The following TMEM184B variants were observed in gnomAD, a reference collection of about 807,000 sequenced individuals.
TMEM184B encodes putative MAPK-activating protein FM08.
TMEM184B carries 17 observed loss-of-function variants against 41.8 expected under a neutral mutation model. The ratio of observed to expected loss-of-function variants is 0.41; its 90% CI spans 0.28 to 0.61. TMEM184B has a LOEUF of 0.61. Ranked by LOEUF, TMEM184B falls within the 20% of genes least tolerant of loss-of-function variation. The pLI is 0.34. For synonymous variants in TMEM184B, 240 were observed against 229.5 expected (o/e 1.05, Z -0.41); for missense variants, 393 against 557.8 (o/e 0.70, Z 2.98).
At chr22:38,232,322 C>CTT (rs1462356044) in intron 3 of TMEM184B, 1 of 152,210 alleles carries the variant, frequency 6.6e-6, no homozygotes, top group Non-Finnish European at 1.5e-5. Context: ...CACAGCAAGT[C>CTT]TGCTGTAAAT....
At position 38,242,890 on chromosome 22, in the gene TMEM184B, C is replaced by T. The variant is rs530886820; in HGVS notation, c.358+3045G>A. Among the ~76,000 whole-genome samples, 12 of 152,096 alleles carry T rather than the reference C, an allele frequency of 7.9e-5. No homozygotes were observed. The East Asian group carries it at 2.1e-3, about 27-fold the overall frequency. The stretch of plus-strand genomic sequence containing the variant: ...CATCCTGGCCAACATGGTGAAACCC[C>T]GTCTCTACTAAAAATACAAAAATTA... On this transcript the variant is annotated intron_variant, in intron 3 of 8. Transcript: ENST00000361906.
At chr22:38,217,573 C>T (rs1324988409), downstream of TMEM184B, among the ~76,000 whole-genome samples, 2 of 151,842 alleles carry the variant, frequency 1.3e-5, no homozygotes, top group Non-Finnish European at 2.9e-5. Flanking sequence ...AGCCGGGAGG[C>T]GGAGCTTGCA....
At chr22:38,261,169 G>A (rs1223744195) in intron 1 of TMEM184B, among the ~76,000 whole-genome samples, 1 of 152,094 alleles carries the variant, frequency 6.6e-6, no homozygotes. Flanking sequence ...TGAGCTTCTG[G>A]GCAGCTGCAT....
intron 8 of TMEM184B, 54 bp from the exon 9 acceptor site, chr22:38,221,764 A>C: frequency 1.9e-6 from 3 of 1,594,412 alleles, no homozygotes; most frequent in Non-Finnish European, 2.6e-6. Context: ...GGTGAGAGGG[A>C]GGTGGCTCAG....
At chr22:38,260,325 G>A (rs1196222531) in intron 1 of TMEM184B, among the ~76,000 whole-genome samples, 2 of 152,098 alleles carry the variant, frequency 1.3e-5, no homozygotes, top group African/African-American at 4.8e-5. Flanking sequence ...CAAAGTGCTG[G>A]GATTACAGAT....
Position 38,221,053 on chromosome 22 carries a change from TGCAC to T in TMEM184B, c.*412_*415del, listed in dbSNP as rs2091242794. 3.9e-6 allele frequency: 4 copies of T among 1,038,602 alleles called. No homozygotes were observed. In the South Asian group the frequency reaches 1.5e-4, roughly 39 times the overall value. The allele number at this position is 1,038,602 out of a possible 1,614,324, so 64.3% of individuals were successfully genotyped here. A position where few individuals can be genotyped will look rare whatever the true frequency, so the allele number is the denominator to read the frequency against. Reference sequence around the variant, plus strand: ...GAAGAGCCCAGGTCAGACAGGGTATTGCACGGTGTGTGGGGGAGCCACGGCTTGC... The same window carrying T: ...GAAGAGCCCAGGTCAGACAGGGTATTGGTGTGTGGGGGAGCCACGGCTTGC... On this transcript the variant is annotated 3_prime_UTR_variant, in exon 9 of 9. Coordinates refer to ENST00000361906, the MANE Select transcript of TMEM184B (RefSeq NM_012264.5).
rs757691550 is a variant in TMEM184B, at chr22:38,221,509, T to C, written c.1184A>G (p.Asn395Ser). 4 of 1,612,594 alleles carry C rather than the reference T, an allele frequency of 2.5e-6. No homozygotes were observed. The change falls in exon 9 of 9, where the codon AAC becomes AGC. Residue 395 changes from asparagine (N) to serine (S), a missense_variant. By Grantham distance (46) the Asn-to-Ser change is conservative (BLOSUM62 1). Coordinates refer to ENST00000361906, the MANE Select transcript of TMEM184B (RefSeq NM_012264.5). ...RSHSLSGARD[N>S]EKTLLLSSDD... ...AGAGCTGAGCAGGAGAGTCTTCTCG[T>C]TGTCGCGGGCGCCACTGAGGCTGTG...
intron 1 of TMEM184B, among the ~76,000 whole-genome samples, chr22:38,253,901 T>C (rs756337844): frequency 2.1e-4 from 32 of 152,152 alleles, no homozygotes; most frequent in Non-Finnish European, 4.7e-4. Context: ...GTATGAAGAA[T>C]GCTCAAAAAG....
intron 4 of TMEM184B, among the ~76,000 whole-genome samples, chr22:38,230,967 C>T (rs1204745796): frequency 6.6e-6 from 1 of 152,152 alleles, no homozygotes; most frequent in Non-Finnish European, 1.5e-5. Context: ...GGTGACAAAC[C>T]AACTTGGAGA....
chr22:38,226,300 T>C lies in TMEM184B; in HGVS notation c.617+479A>G, dbSNP rs563491818. 3.2e-5 allele frequency: 5 copies of C among 157,266 alleles called. No individual in the cohort carries two copies. The highest frequency in any genetic ancestry group is 5.6e-5 in the Non-Finnish European group (4 of 71,078). The allele number at this position is 157,266 out of a possible 1,614,324, so 9.7% of individuals were successfully genotyped here. ...TTCACCATGTTGGCCAGGCTGGTCT[T>C]GAACTCCTGACCTCAGGTGATCTAC... On this transcript the variant is annotated intron_variant, in intron 6 of 8. Transcript: ENST00000361906. The surrounding 1 kb of genome is among the most constrained non-coding windows in gnomAD (Gnocchi z 4.6).
At chr22:38,218,191 C>G (rs192878900), downstream of TMEM184B, among the ~76,000 whole-genome samples, 25 of 152,326 alleles carry the variant, frequency 1.6e-4, no homozygotes, top group African/African-American at 6.0e-4. Flanking sequence ...AGGCCTAAAC[C>G]ATAACCCTGT....
chr22:38,235,037 G>A (rs145342885), intron 3 of TMEM184B, among the ~76,000 whole-genome samples: 1 of 152,310 alleles, frequency 6.6e-6, no homozygotes, highest in African/African-American at 2.4e-5. Context: ...CTCCTTGCAG[G>A]TAGAATGCAG....
chr22:38,255,553 AC>A (rs1488482629), intron 1 of TMEM184B, among the ~76,000 whole-genome samples: 4 of 152,226 alleles, frequency 2.6e-5, no homozygotes, highest in Non-Finnish European at 5.9e-5. Flanking sequence ...AGGAATGAAA[AC>A]GTATATTCAC....
In TMEM184B at chr22:38,225,225, T is replaced by C. The variant is rs553703271; in HGVS notation, c.787+199A>G. 2.0e-5 allele frequency among the ~76,000 whole-genome samples: 3 copies of C among 152,210 alleles called. No homozygotes were observed. In the East Asian group the frequency reaches 5.8e-4, roughly 29 times the overall value. On this transcript the variant is annotated intron_variant, in intron 7 of 8. Transcript: ENST00000361906. This position sits in a 1 kb window ranked among gnomAD's most constrained non-coding sequence, Gnocchi z 4.4. ...GGTCTCCTGGGCCCTCTCATCCATG[T>C]AGCGGCCCCACCAAAGCTCTCCCTA...
intron 5 of TMEM184B, 138 bp from the exon 6 acceptor site, chr22:38,227,008 G>A (rs914275477): frequency 4.8e-6 from 4 of 830,540 alleles, no homozygotes; most frequent in Non-Finnish European, 7.6e-6. Flanking sequence ...AGGGATGGAG[G>A]GACGGAGGGG....
chr22:38,236,934 G>A (rs1008929560), intron 3 of TMEM184B, among the ~76,000 whole-genome samples: 1 of 152,186 alleles, frequency 6.6e-6, no homozygotes, highest in Non-Finnish European at 1.5e-5. Context: ...TCTCCCTCGT[G>A]ACTTTCCTGT....
chr22:38,221,700 G>T lies in TMEM184B; in HGVS notation c.993C>A (p.Ala331=). 1 of 1,613,806 alleles carries T rather than the reference G, an allele frequency of 6.2e-7. No homozygotes were observed. Among genetic ancestry groups the T allele is most frequent in the Non-Finnish European group, 8.5e-7 (1 of 1,179,920 alleles). The change falls in exon 9 of 9, where the codon GCC becomes GCA. Residue 331 remains alanine (A), a synonymous_variant. Coordinates refer to ENST00000361906, the MANE Select transcript of TMEM184B (RefSeq NM_012264.5). ...DKRLDAQGRC[A]PMKSISSSLK... is the part of the protein sequence containing the mutation. ...GGCTGCTGGAGATGCTCTTCATGGGGGCACAGCGGCCTGCCGGGCAGGGAG... is the reference window on the plus strand; with the variant it reads ...GGCTGCTGGAGATGCTCTTCATGGGTGCACAGCGGCCTGCCGGGCAGGGAG...
At chr22:38,228,597 T>C (rs1293186440) in intron 5 of TMEM184B, among the ~76,000 whole-genome samples, 3 of 152,168 alleles carry the variant, frequency 2.0e-5, no homozygotes, top group Non-Finnish European at 2.9e-5. Context: ...GGGTGGTTGA[T>C]CTGGGAATCT....
intron 1 of TMEM184B, among the ~76,000 whole-genome samples, chr22:38,271,255 G>A (rs576273493): frequency 2.8e-4 from 42 of 152,164 alleles, no homozygotes; most frequent in Non-Finnish European, 4.9e-4. Context: ...TCATCAGACC[G>A]CTATGCCCCA....
Sources: allele counts gnomAD v4.1 joint callset (sites outside exome capture counted in the v4.1 genomes callset), GRCh38; gene constraint gnomAD v4.1.1; non-coding constraint Gnocchi (gnomAD v3.1); transcripts MANE v1.5; gene names NCBI Gene and HGNC (gene_info 2026-07-23, HGNC 2026-07-21).